Variants in DDX60L observed in about 807,000 individuals in gnomAD.
DDX60L encodes the protein probable ATP-dependent RNA helicase DDX60-like.
A neutral mutation model predicts 211.6 loss-of-function variants in DDX60L; 191 were observed. The ratio of observed to expected loss-of-function variants is 0.90; its 90% CI spans 0.80 to 1.02. The LOEUF (loss-of-function observed/expected upper bound fraction) is 1.02, where lower values mean the gene tolerates loss of function less well. Ranked by LOEUF, DDX60L falls within the 50% of genes least tolerant of loss-of-function variation. DDX60L has a pLI of 0.00. For missense variants in DDX60L, 2,007 were observed against 1,984.1 expected (o/e 1.01, Z -0.22); for synonymous variants, 706 against 694.1 (o/e 1.02, Z -0.27).
At chr4:168,374,807 A>G (rs1031724584) in intron 34 of DDX60L, among the ~76,000 whole-genome samples, 1 of 152,246 alleles carries the variant, frequency 6.6e-6, no homozygotes, top group Non-Finnish European at 1.5e-5. Flanking sequence ...AAACTTATAA[A>G]CATTAATATA....
Position 168,394,624 on chromosome 4 carries a change from CAAGA to C in DDX60L, c.3658-11_3658-8del. Reference sequence around the variant, plus strand: ...GTAATACCCTCTCCAAAGTCTAAAACAAGAAAGAAGTGTAAAACAATTGATGATG... The same window carrying C: ...GTAATACCCTCTCCAAAGTCTAAAACAAGAAGTGTAAAACAATTGATGATG... On this transcript the variant is annotated splice_region_variant and splice_polypyrimidine_tract_variant and intron_variant, in intron 27 of 37. Coordinates refer to ENST00000682922, the MANE Select transcript of DDX60L (RefSeq NM_001012967.3). 1 of 1,584,598 alleles carries C rather than the reference CAAGA, an allele frequency of 6.3e-7. No homozygotes were observed. The highest frequency in any genetic ancestry group is 2.2e-5 in the East Asian group (1 of 44,540).
intron 26 of DDX60L, among the ~76,000 whole-genome samples, chr4:168,399,881 A>G (rs1206521539): frequency 1.3e-5 from 2 of 152,182 alleles, no homozygotes; most frequent in African/African-American, 4.8e-5. Flanking sequence ...TTTAAGTTCA[A>G]TGGTACATGT....
At chr4:168,451,086 A>G (rs1755744919) in intron 8 of DDX60L, among the ~76,000 whole-genome samples, 1 of 152,040 alleles carries the variant, frequency 6.6e-6, no homozygotes, top group Non-Finnish European at 1.5e-5. Context: ...ATTCTCCCAG[A>G]TTTTCTACCA....
At chr4:168,385,130 T>A (rs1391593222) in intron 29 of DDX60L, among the ~76,000 whole-genome samples, 1 of 152,200 alleles carries the variant, frequency 6.6e-6, no homozygotes, top group Non-Finnish European at 1.5e-5. Flanking sequence ...GGACGGGGAC[T>A]GGTCACCAGA....
intron 35 of DDX60L, 138 bp downstream of exon 35, chr4:168,373,528 C>CTCTCTTAGACAATG: frequency 1.2e-6 from 1 of 867,438 alleles, no homozygotes; most frequent in East Asian, 2.5e-5. Context: ...TCCAGGGCTT[C>CTCTCTTAGACAATG]ATTCTCTTAG....
rs754676938 is a variant in DDX60L, at chr4:168,422,650, C to G, written c.2118G>C (p.Lys706Asn). 1.2e-6 allele frequency: 2 copies of G among 1,603,630 alleles called. No homozygotes were observed. The highest frequency in any genetic ancestry group is 1.7e-6 in the Non-Finnish European group (2 of 1,174,160). ...DPTLIGDDKN[K>N]KKYSIDIGPA... is the part of the protein sequence containing the mutation. The stretch of plus-strand genomic sequence containing the variant: ...GTCCAATGTCAATCGAATATTTCTT[C>G]TTATTTTTGTCATCTCCTATCTGTT... Residue 706 changes from lysine to asparagine, a missense_variant, in exon 16 of 38, where the codon AAG becomes AAC. Coordinates refer to ENST00000682922, the MANE Select transcript of DDX60L (RefSeq NM_001012967.3).
chr4:168,433,206 T>C (rs1752602815), intron 10 of DDX60L, 91 bp from the exon 11 acceptor site: 1 of 858,822 alleles, frequency 1.2e-6, no homozygotes, highest in Non-Finnish European at 1.8e-6. Flanking sequence ...AAATGCATAA[T>C]ATTTTACATA....
Position 168,378,397 on chromosome 4 carries a change from G to T in DDX60L, c.4442C>A (p.Pro1481Gln). ...TAAATTAGCATTTTGGAATTTTGCTGGAATATATTTTCTTCCAAACAAATT... is the reference window on the plus strand; with the variant it reads ...TAAATTAGCATTTTGGAATTTTGCTTGAATATATTTTCTTCCAAACAAATT... ...LANLFGRKYI[P>Q]AKFQNANLSF... The change falls in exon 33 of 38, where the codon CCA (proline) becomes CAA (glutamine). Residue 1481 changes from proline to glutamine, a missense_variant. Transcript: ENST00000682922. The T allele has an allele frequency of 6.6e-7, 1 of 1,518,256 alleles. No homozygotes were observed. Among genetic ancestry groups the T allele is most frequent in the East Asian group, 2.4e-5 (1 of 42,350 alleles). 94.0% of individuals were successfully genotyped at this position (1,518,256 alleles called of 1,614,324 possible).
chr4:168,420,676 GAT>G (rs1750445173), intron 17 of DDX60L, among the ~76,000 whole-genome samples: 1 of 142,628 alleles, frequency 7.0e-6, no homozygotes, highest in Non-Finnish European at 1.5e-5. Context: ...TAGATAGATA[GAT>G]AGATAGACAG....
At position 168,422,814 on chromosome 4, in the gene DDX60L, CA is replaced by C. The variant is rs972597016; in HGVS notation, c.2098-145del. 6.0e-6 allele frequency: 4 copies of C among 670,142 alleles called. No individual in the cohort carries two copies. In the African/African-American group the frequency reaches 7.3e-5, roughly 12 times the overall value. 41.5% of individuals were successfully genotyped at this position (670,142 alleles called of 1,614,324 possible). On this transcript the variant is annotated intron_variant, in intron 15 of 37. Transcript: ENST00000682922. ...TTTTTGAGACAGGGTCTTTCTCTGT[CA>C]CCCAGGCTGGAGTGCAGTGACGCCA...
intron 1 of DDX60L, 44 bp from the exon 2 acceptor site, chr4:168,472,853 A>C: frequency 1.3e-6 from 1 of 771,398 alleles, no homozygotes; most frequent in African/African-American, 1.7e-5. Flanking sequence ...TCCTAAAACA[A>C]AGAAATGGAC....
chr4:168,387,676 T>A (rs1446762320), intron 29 of DDX60L, among the ~76,000 whole-genome samples: 1 of 152,190 alleles, frequency 6.6e-6, no homozygotes, highest in Non-Finnish European at 1.5e-5. Context: ...TACAGAAATC[T>A]GAGGACACCA....
chr4:168,442,392 G>A (rs939085607), intron 9 of DDX60L, among the ~76,000 whole-genome samples: 1 of 152,116 alleles, frequency 6.6e-6, no homozygotes. Context: ...ACAGCAGTCT[G>A]AGATCAAACT....
At chr4:168,467,422 A>G (rs1025430213) in intron 4 of DDX60L, among the ~76,000 whole-genome samples, 5 of 149,884 alleles carry the variant, frequency 3.3e-5, no homozygotes, top group Admixed American at 1.3e-4. Flanking sequence ...AAATTTTAAA[A>G]AAAGAAAATT....
chr4:168,385,043 C>T (rs954811766), intron 29 of DDX60L, among the ~76,000 whole-genome samples: 1 of 152,182 alleles, frequency 6.6e-6, no homozygotes, highest in Non-Finnish European at 1.5e-5. Context: ...TGGCATATGA[C>T]TCATAAAATC....
intron 24 of DDX60L, 82 bp from the exon 25 acceptor site, chr4:168,404,188 T>G: frequency 1.0e-6 from 1 of 993,982 alleles, no homozygotes; most frequent in Non-Finnish European, 1.4e-6. Context: ...TTTTGTTGTC[T>G]AAAATTAGAA....
intron 4 of DDX60L, among the ~76,000 whole-genome samples, chr4:168,468,351 TTAATG>T (rs1202845018): frequency 2.0e-5 from 3 of 152,110 alleles, no homozygotes; most frequent in Non-Finnish European, 1.5e-5. Flanking sequence ...TAAAAATCAC[TTAATG>T]TAATCTACCA....
intron 1 of DDX60L, among the ~76,000 whole-genome samples, chr4:168,478,378 T>C (rs1759900769): frequency 6.6e-6 from 1 of 152,120 alleles, no homozygotes; most frequent in African/African-American, 2.4e-5. Flanking sequence ...ATAGAAACTC[T>C]CTGGGTGTAA....
At chr4:168,412,666 C>T (rs1748887470) in intron 22 of DDX60L, among the ~76,000 whole-genome samples, 1 of 152,154 alleles carries the variant, frequency 6.6e-6, no homozygotes, top group Non-Finnish European at 1.5e-5. Context: ...AGTCCTCAGG[C>T]CTTGAATGAA....
Sources: gnomAD v4.1 joint callset for allele counts (sites outside exome capture counted in the v4.1 genomes callset) on GRCh38, gnomAD v4.1.1 for gene constraint, MANE v1.5 for transcripts, NCBI Gene and HGNC (gene_info 2026-07-23, HGNC 2026-07-21) for gene names.